SLC5A3: variants seen among roughly 807,000 people sequenced by gnomAD.
SLC5A3 encodes the protein solute carrier family 5 member 3.
A neutral mutation model predicts 43.2 loss-of-function variants in SLC5A3; 10 were observed. The ratio of observed to expected loss-of-function variants is 0.23; its 90% CI spans 0.14 to 0.39. The LOEUF (loss-of-function observed/expected upper bound fraction) is 0.39, where lower values mean the gene tolerates loss of function less well. SLC5A3 is among the 10% of genes least tolerant of loss of function. The probability of loss-of-function intolerance (pLI) is 1.00; values close to 1 mark genes in which losing one functional copy is unlikely to be tolerated. For synonymous variants in SLC5A3, 349 were observed against 322.0 expected (o/e 1.08, Z -0.90); for missense variants, 608 against 893.4 (o/e 0.68, Z 4.07).
intron 1 of SLC5A3, among the ~76,000 whole-genome samples, chr21:34,092,328 C>G (rs745801606): frequency 5.3e-5 from 8 of 149,978 alleles, no homozygotes; most frequent in Non-Finnish European, 8.9e-5. Context: ...TTACCAGGTG[C>G]TGGTCTCTGC....
Position 34,100,546 on chromosome 21 carries a change from C to A in SLC5A3, c.*3191C>A. 1.0e-6 allele frequency: 1 copy of A among 1,000,224 alleles called. No homozygotes were observed. The highest frequency in any genetic ancestry group is 1.2e-6 in the Non-Finnish European group (1 of 829,980). 62.0% of individuals were successfully genotyped at this position (1,000,224 alleles called of 1,614,324 possible). A position where few individuals can be genotyped will look rare whatever the true frequency, so the allele number is the denominator to read the frequency against. On this transcript the variant is annotated 3_prime_UTR_variant, in exon 2 of 2. Transcript: ENST00000381151. ...TTCCTTTTCACTTGGCTCAAAGGAT[C>A]CATTGTATTTTGGCACAAAGAGCCT...
Position 34,096,633 on chromosome 21 carries a change from G to T in SLC5A3, c.1435G>T (p.Val479Phe). 6.2e-7 allele frequency: 1 copy of T among 1,614,142 alleles called. No homozygotes were observed. Among genetic ancestry groups the T allele is most frequent in the Non-Finnish European group, 8.5e-7 (1 of 1,179,982 alleles). ...GAFYGGMAGFVLGAVRLILAF... is the reference protein window; with the variant it reads ...GAFYGGMAGFFLGAVRLILAF... ...TTTCTATGGTGGAATGGCTGGCTTTGTTCTTGGAGCAGTCCGTTTGATACT... is the reference window on the plus strand; with the variant it reads ...TTTCTATGGTGGAATGGCTGGCTTTTTTCTTGGAGCAGTCCGTTTGATACT... The change falls in exon 2 of 2, where the codon GTT becomes TTT. Residue 479 changes from valine (V) to phenylalanine (F), a missense_variant. By Grantham distance (50) the Val-to-Phe change is conservative (BLOSUM62 -1). Around this residue, in one of 2 missense-constraint regions of SLC5A3, gnomAD observed 398 missense variants for 668.6 expected, o/e 0.60. Coordinates refer to ENST00000381151, the MANE Select transcript of SLC5A3 (RefSeq NM_006933.7). This position sits in a 1 kb window ranked among gnomAD's most constrained non-coding sequence, Gnocchi z 5.9.
intron 1 of SLC5A3, among the ~76,000 whole-genome samples, chr21:34,087,893 G>T (rs78931500): frequency 0.017 from 2,615 of 152,322 alleles, 67 homozygotes; most frequent in African/African-American, 0.061. Context: ...AGGCTTTGCT[G>T]ATGGATTGAT....
chr21:34,075,916 G>T (rs1019797268), intron 1 of SLC5A3, among the ~76,000 whole-genome samples: 3 of 152,158 alleles, frequency 2.0e-5, no homozygotes, highest in African/African-American at 7.2e-5. Context: ...CTTGCACACC[G>T]GTAGCAGGCC....
At position 34,098,316 on chromosome 21, in the gene SLC5A3, A is replaced by C. The variant is rs569113784; in HGVS notation, c.*961A>C. Reference sequence around the variant, plus strand: ...CTTCCTAGGTGGATCCAGTTGGAAGATATGTCCAGAAACCTGAAGAAAAAT... The same window carrying C: ...CTTCCTAGGTGGATCCAGTTGGAAGCTATGTCCAGAAACCTGAAGAAAAAT... On this transcript the variant is annotated 3_prime_UTR_variant, in exon 2 of 2. Coordinates refer to ENST00000381151, the MANE Select transcript of SLC5A3 (RefSeq NM_006933.7). 12 of 1,000,150 alleles carry C rather than the reference A, an allele frequency of 1.2e-5. No homozygotes were observed. The South Asian group carries it at 4.7e-4, about 39-fold the overall frequency. 62.0% of individuals were successfully genotyped at this position (1,000,150 alleles called of 1,614,324 possible).
At position 34,105,668 on chromosome 21, in the gene SLC5A3, G is replaced by C; in HGVS notation, c.*8313G>C. The C allele has an allele frequency of 4.0e-6, 4 of 997,350 alleles. No homozygotes were observed. The highest frequency in any genetic ancestry group is 4.8e-6 in the Non-Finnish European group (4 of 827,448). The allele number at this position is 997,350 out of a possible 1,614,324, so 61.8% of individuals were successfully genotyped here. On this transcript the variant is annotated 3_prime_UTR_variant, in exon 2 of 2. Coordinates refer to ENST00000381151, the MANE Select transcript of SLC5A3 (RefSeq NM_006933.7). ...GCCAAATGTGATTATAAATGAAGTTGATGAACATTAATTTTGTTATTAGTG... is the reference window on the plus strand; with the variant it reads ...GCCAAATGTGATTATAAATGAAGTTCATGAACATTAATTTTGTTATTAGTG...
In SLC5A3 at chr21:34,098,448, A is replaced by G; in HGVS notation, c.*1093A>G. On this transcript the variant is annotated 3_prime_UTR_variant, in exon 2 of 2. Coordinates refer to ENST00000381151, the MANE Select transcript of SLC5A3 (RefSeq NM_006933.7). ...ATTCTGATATCTTATTGCATCCTTG[A>G]TAAGTTTTTCCCTGATTTTTTTTTT... 8.0e-6 allele frequency: 8 copies of G among 999,960 alleles called. No homozygotes were observed. Among genetic ancestry groups the G allele is most frequent in the African/African-American group, 1.7e-5 (1 of 57,222 alleles). The allele number at this position is 999,960 out of a possible 1,614,324, so 61.9% of individuals were successfully genotyped here.
At position 34,096,636 on chromosome 21, in the gene SLC5A3, C is replaced by T; in HGVS notation, c.1438C>T (p.Leu480Phe). Reference sequence around the variant, plus strand: ...CTATGGTGGAATGGCTGGCTTTGTTCTTGGAGCAGTCCGTTTGATACTGGC... The same window carrying T: ...CTATGGTGGAATGGCTGGCTTTGTTTTTGGAGCAGTCCGTTTGATACTGGC... ...AFYGGMAGFVLGAVRLILAFA... is the reference protein window; with the variant it reads ...AFYGGMAGFVFGAVRLILAFA... Residue 480 changes from leucine (L) to phenylalanine (F), a missense_variant, in exon 2 of 2, where the codon CTT becomes TTT. Physicochemically the swap from Leu to Phe is conservative, Grantham distance 22. This residue lies in a region of SLC5A3 where 398 missense variants were observed against 668.6 expected (regional missense o/e 0.60). Coordinates refer to ENST00000381151, the MANE Select transcript of SLC5A3 (RefSeq NM_006933.7). The surrounding 1 kb of genome is among the most constrained non-coding windows in gnomAD (Gnocchi z 5.9). 5 of 1,614,156 alleles carry T rather than the reference C, an allele frequency of 3.1e-6. No homozygotes were observed. Among genetic ancestry groups the T allele is most frequent in the Non-Finnish European group, 4.2e-6 (5 of 1,180,002 alleles).
chr21:34,083,037 G>C (rs1452083192), intron 1 of SLC5A3, among the ~76,000 whole-genome samples: 1 of 152,138 alleles, frequency 6.6e-6, no homozygotes, highest in Non-Finnish European at 1.5e-5. Context: ...GCATTTTTCT[G>C]CTTCTGCCCC....
chr21:34,076,721 A>C (rs1297327700), intron 1 of SLC5A3, among the ~76,000 whole-genome samples: 1 of 152,244 alleles, frequency 6.6e-6, no homozygotes, highest in Admixed American at 6.5e-5. Context: ...TATGACGGTA[A>C]AGTAATGGAT....
chr21:34,099,228 T>G lies in SLC5A3; in HGVS notation c.*1873T>G. On this transcript the variant is annotated 3_prime_UTR_variant, in exon 2 of 2. Transcript: ENST00000381151. Reference sequence around the variant, plus strand: ...AATTTTATTCTTGAGGTTTATAATTTGGGGGCCAAATAGATAGAGCTCATC... The same window carrying G: ...AATTTTATTCTTGAGGTTTATAATTGGGGGGCCAAATAGATAGAGCTCATC... The G allele has an allele frequency of 1.0e-6, 1 of 1,000,180 alleles. No individual in the cohort carries two copies. Among genetic ancestry groups the G allele is most frequent in the Non-Finnish European group, 1.2e-6 (1 of 829,974 alleles). The allele number at this position is 1,000,180 out of a possible 1,614,324, so 62.0% of individuals were successfully genotyped here.
At position 34,099,694 on chromosome 21, in the gene SLC5A3, ATACATAAGG is replaced by A. The variant is rs1979146373; in HGVS notation, c.*2345_*2353del. ...TTCTTTCTGCTCTTGTCTTAGTAAG[ATACATAAGG>A]TACATCATCTTGTGTCTGTGTGTAT... On this transcript the variant is annotated 3_prime_UTR_variant, in exon 2 of 2. Coordinates refer to ENST00000381151, the MANE Select transcript of SLC5A3 (RefSeq NM_006933.7). 1.0e-6 allele frequency: 1 copy of A among 998,230 alleles called. No homozygotes were observed. Among genetic ancestry groups the A allele is most frequent in the Non-Finnish European group, 1.2e-6 (1 of 829,664 alleles). The allele number at this position is 998,230 out of a possible 1,614,324, so 61.8% of individuals were successfully genotyped here.
intron 1 of SLC5A3, among the ~76,000 whole-genome samples, 195 bp from the exon 2 acceptor site, chr21:34,094,668 T>A (rs1172869040): frequency 1.3e-5 from 2 of 152,224 alleles, no homozygotes; most frequent in African/African-American, 2.4e-5. Flanking sequence ...AATGATAATA[T>A]TCTCACTGAC....
chr21:34,092,195 CTG>C (rs948356976), intron 1 of SLC5A3, among the ~76,000 whole-genome samples: 18 of 152,074 alleles, frequency 1.2e-4, no homozygotes, highest in African/African-American at 4.3e-4. Context: ...TCTTGAAAGA[CTG>C]AAATTCAAGG....
At chr21:34,078,955 G>C (rs1308686217) in intron 1 of SLC5A3, among the ~76,000 whole-genome samples, 1 of 152,154 alleles carries the variant, frequency 6.6e-6, no homozygotes, top group Non-Finnish European at 1.5e-5. Context: ...TTACCTCTTA[G>C]GGGAATCCTT....
At chr21:34,079,602 ATTTTTTTTTTTTTTTTT>A (rs398036389) in intron 1 of SLC5A3, among the ~76,000 whole-genome samples, 5 of 43,680 alleles carry the variant, frequency 1.1e-4, no homozygotes, top group South Asian at 2.1e-3. Context: ...GACCCAGCTA[ATTTTTTTTTTTTTTTTT>A]TTTTTTTTTT....
In SLC5A3 at chr21:34,105,234, G is replaced by A. The variant is rs1979424301; in HGVS notation, c.*7879G>A. On this transcript the variant is annotated 3_prime_UTR_variant, in exon 2 of 2. Coordinates refer to ENST00000381151, the MANE Select transcript of SLC5A3 (RefSeq NM_006933.7). ...CAGGGATTTACCCGTTCTTTGCTTG[G>A]ACATCCCATTTTCTTTTGTCCAGAC... 1.0e-6 allele frequency: 1 copy of A among 1,000,184 alleles called. No individual in the cohort carries two copies. Among genetic ancestry groups the A allele is most frequent in the Middle Eastern group, 5.2e-4 (1 of 1,916 alleles). 62.0% of individuals were successfully genotyped at this position (1,000,184 alleles called of 1,614,324 possible).
Position 34,100,306 on chromosome 21 carries a change from T to C in SLC5A3, c.*2951T>C. The C allele has an allele frequency of 2.0e-6, 2 of 1,000,194 alleles. No homozygotes were observed. The highest frequency in any genetic ancestry group is 2.4e-6 in the Non-Finnish European group (2 of 829,930). 62.0% of individuals were successfully genotyped at this position (1,000,194 alleles called of 1,614,324 possible). ...ATTACATTGGTATGCAGGATGATTA[T>C]TGCATATTTTGTGGGACCTCTAATT... On this transcript the variant is annotated 3_prime_UTR_variant, in exon 2 of 2. Coordinates refer to ENST00000381151, the MANE Select transcript of SLC5A3 (RefSeq NM_006933.7).
At position 34,102,097 on chromosome 21, in the gene SLC5A3, A is replaced by C; in HGVS notation, c.*4742A>C. ...TAGACTTGGTTAACTTAGGGCTGCA[A>C]ATCTTTTTCTTCTGTCAAGGTCACT... On this transcript the variant is annotated 3_prime_UTR_variant, in exon 2 of 2. Coordinates refer to ENST00000381151, the MANE Select transcript of SLC5A3 (RefSeq NM_006933.7). The C allele has an allele frequency of 1.0e-6, 1 of 1,000,138 alleles. No homozygotes were observed. The allele number at this position is 1,000,138 out of a possible 1,614,324, so 62.0% of individuals were successfully genotyped here.
Sources: gnomAD v4.1 joint callset for allele counts (sites outside exome capture counted in the v4.1 genomes callset) on GRCh38, gnomAD v4.1.1 for gene constraint, gnomAD v4.1.1 regional missense constraint, Gnocchi (gnomAD v3.1) non-coding constraint, MANE v1.5 for transcripts, NCBI Gene and HGNC (gene_info 2026-07-23, HGNC 2026-07-21) for gene names.